The following PPP1R12B variants were observed in gnomAD, a reference collection of about 807,000 sequenced individuals.
PPP1R12B encodes the protein protein phosphatase 1 regulatory subunit 12B, also known as myosin phosphatase target subunit 2.
In PPP1R12B, 76 loss-of-function variants were observed where a neutral mutation model predicts 126.1. The ratio of observed to expected loss-of-function variants is 0.60; its 90% CI spans 0.50 to 0.73. PPP1R12B has a LOEUF of 0.73. Among genes scored for constraint, PPP1R12B ranks in the 30% least tolerant of loss-of-function variants. PPP1R12B has a pLI of 0.00. For synonymous variants in PPP1R12B, 356 were observed against 434.7 expected, an observed-to-expected ratio of 0.82 and a Z score of 2.25; for missense variants, 1,052 against 1,205.1, an observed-to-expected ratio of 0.87 and a Z score of 1.88.
chr1:202,569,300 T>C, intron 23 of PPP1R12B, 103 bp downstream of exon 23: 1 of 1,140,360 alleles, frequency 8.8e-7, no homozygotes, highest in South Asian at 1.3e-5. Flanking sequence ...CACTACAAAC[T>C]CAATATCTGC....
At chr1:202,436,387 C>T (rs1036688781) in intron 9 of PPP1R12B, among the ~76,000 whole-genome samples, 8 of 152,146 alleles carry the variant, frequency 5.3e-5, no homozygotes, top group Admixed American at 2.0e-4. Flanking sequence ...CATTATTGAA[C>T]CCCTAAAGCT....
At chr1:202,434,229 G>A (rs192375926) in intron 8 of PPP1R12B, among the ~76,000 whole-genome samples, 71 of 152,280 alleles carry the variant, frequency 4.7e-4, no homozygotes, top group Non-Finnish European at 8.1e-4. Flanking sequence ...GGTGAATTAG[G>A]TTTCATAGCT....
chr1:202,426,479 G>A (rs1374576753), intron 4 of PPP1R12B, among the ~76,000 whole-genome samples: 5 of 152,122 alleles, frequency 3.3e-5, no homozygotes, highest in Non-Finnish European at 5.9e-5. Flanking sequence ...TTTATAGTTA[G>A]CAAAAAATTG....
intron 1 of PPP1R12B, among the ~76,000 whole-genome samples, chr1:202,360,691 A>G (rs1658011219): frequency 6.6e-6 from 1 of 151,830 alleles, no homozygotes; most frequent in Non-Finnish European, 1.5e-5. Context: ...CCTGGGCAAC[A>G]AGAGTGAAAC....
At position 202,588,867 on chromosome 1, in the gene PPP1R12B, A is replaced by ATAGG. The variant is rs1689999250; in HGVS notation, c.*8310_*8311insGTAG. On this transcript the variant is annotated 3_prime_UTR_variant, in exon 24 of 24. Coordinates refer to ENST00000608999, the MANE Select transcript of PPP1R12B (RefSeq NM_002481.4). ...GATAGATAGATAGATAGATAGATAG[A>ATAGG]TAGATATCAAGGTTCCAAGCTTCAA... 1 of 143,554 alleles carries ATAGG rather than the reference A, an allele frequency of 7.0e-6. No individual in the cohort carries two copies. Among genetic ancestry groups the ATAGG allele is most frequent in the Admixed American group, 6.7e-5 (1 of 14,904 alleles). 8.9% of individuals were successfully genotyped at this position (143,554 alleles called of 1,614,324 possible).
chr1:202,488,530 C>T lies in PPP1R12B; in HGVS notation c.1851-3C>T, dbSNP rs1318617562. On this transcript the variant is annotated splice_region_variant and splice_polypyrimidine_tract_variant and intron_variant, in intron 13 of 23. Coordinates refer to ENST00000608999, the MANE Select transcript of PPP1R12B (RefSeq NM_002481.4). Reference sequence around the variant, plus strand: ...TTTTGCTATTACTTTTTTTTCTCTGCAGGTCCTATCTGACTCCTGTACGGG... The same window carrying T: ...TTTTGCTATTACTTTTTTTTCTCTGTAGGTCCTATCTGACTCCTGTACGGG... The T allele has an allele frequency of 6.2e-7, 1 of 1,600,752 alleles. No homozygotes were observed. Among genetic ancestry groups the T allele is most frequent in the Non-Finnish European group, 8.5e-7 (1 of 1,170,720 alleles).
chr1:202,503,692 G>T (rs187005295), intron 18 of PPP1R12B, among the ~76,000 whole-genome samples: 3 of 152,090 alleles, frequency 2.0e-5, no homozygotes, highest in African/African-American at 4.8e-5. Context: ...CTGACCCTGA[G>T]AATATGGATG....
intron 18 of PPP1R12B, among the ~76,000 whole-genome samples, chr1:202,544,532 T>C (rs1233178100): frequency 1.3e-5 from 2 of 152,228 alleles, no homozygotes; most frequent in Non-Finnish European, 2.9e-5. Context: ...ATTTATTATA[T>C]TGAATAAATC....
Position 202,587,417 on chromosome 1 carries a change from G to GTTTGAC in PPP1R12B, c.*6861_*6866dup, listed in dbSNP as rs1046998863. On this transcript the variant is annotated 3_prime_UTR_variant, in exon 24 of 24. Transcript: ENST00000608999. ...ATGCTAATGTCCCCTCAGAGATGAG[G>GTTTGAC]TTTGACTTTTAGGCCCGTATGACTC... 2.6e-5 allele frequency: 4 copies of GTTTGAC among 152,286 alleles called. No individual in the cohort carries two copies. Among genetic ancestry groups the GTTTGAC allele is most frequent in the African/African-American group, 9.6e-5 (4 of 41,542 alleles). 9.4% of individuals were successfully genotyped at this position (152,286 alleles called of 1,614,324 possible). A position where few individuals can be genotyped will look rare whatever the true frequency, so the allele number is the denominator to read the frequency against.
At chr1:202,529,741 A>G (rs1381988800) in intron 18 of PPP1R12B, among the ~76,000 whole-genome samples, 2 of 152,214 alleles carry the variant, frequency 1.3e-5, no homozygotes, top group Non-Finnish European at 2.9e-5. Context: ...TTTGCCTGGC[A>G]TACAGATTAT....
At chr1:202,363,811 G>A (rs1195306969) in intron 1 of PPP1R12B, among the ~76,000 whole-genome samples, 1 of 152,142 alleles carries the variant, frequency 6.6e-6, no homozygotes, top group African/African-American at 2.4e-5. Flanking sequence ...GCCCAGGCTG[G>A]AGTGCAGTGG....
intron 9 of PPP1R12B, among the ~76,000 whole-genome samples, chr1:202,437,399 G>A (rs760423296): frequency 7.9e-5 from 12 of 152,114 alleles, no homozygotes; most frequent in African/African-American, 1.2e-4. Context: ...TTATAAGGAG[G>A]GATTAAGCTC....
At chr1:202,388,192 T>C (rs1467315893) in intron 1 of PPP1R12B, among the ~76,000 whole-genome samples, 6 of 152,016 alleles carry the variant, frequency 3.9e-5, no homozygotes, top group Admixed American at 1.3e-4. Context: ...TATAAGACTT[T>C]TCTTTTTTTG....
intron 18 of PPP1R12B, among the ~76,000 whole-genome samples, chr1:202,516,986 C>A (rs1476723833): frequency 2.0e-5 from 3 of 152,156 alleles, no homozygotes; most frequent in African/African-American, 7.2e-5. Flanking sequence ...CATTTTTTCT[C>A]TGAATATGCT....
Position 202,567,666 on chromosome 1 carries a change from A to G in PPP1R12B, c.2758-112A>G, listed in dbSNP as rs1688185768. 3.4e-6 allele frequency: 4 copies of G among 1,192,118 alleles called. No individual in the cohort carries two copies. The South Asian group carries it at 5.6e-5, about 17-fold the overall frequency. 73.8% of individuals were successfully genotyped at this position (1,192,118 alleles called of 1,614,324 possible). A position where few individuals can be genotyped will look rare whatever the true frequency, so the allele number is the denominator to read the frequency against. Reference sequence around the variant, plus strand: ...GGGATCCCTGCTATAGGGGAAGTCCAAAGTTTTACTGTTTATTTCTAGATG... The same window carrying G: ...GGGATCCCTGCTATAGGGGAAGTCCGAAGTTTTACTGTTTATTTCTAGATG... On this transcript the variant is annotated intron_variant, in intron 21 of 23. Transcript: ENST00000608999.
intron 19 of PPP1R12B, among the ~76,000 whole-genome samples, chr1:202,561,473 A>T (rs1337404108): frequency 6.6e-6 from 1 of 151,750 alleles, no homozygotes; most frequent in Non-Finnish European, 1.5e-5. Context: ...GAGGAGGAGG[A>T]GTTAGACAAT....
chr1:202,423,972 A>G (rs1410968087), intron 3 of PPP1R12B, among the ~76,000 whole-genome samples: 1 of 152,212 alleles, frequency 6.6e-6, no homozygotes, highest in Non-Finnish European at 1.5e-5. Context: ...GGTGTGAGCT[A>G]TAGCGCCTGG....
intron 11 of PPP1R12B, 137 bp downstream of exon 11, chr1:202,440,925 A>G: frequency 1.5e-6 from 1 of 674,756 alleles, no homozygotes; most frequent in South Asian, 2.0e-5. Flanking sequence ...CCTTCTGCTT[A>G]GAACACCTCT....
chr1:202,445,429 T>C (rs1344868493), intron 12 of PPP1R12B, among the ~76,000 whole-genome samples: 1 of 152,246 alleles, frequency 6.6e-6, no homozygotes, highest in Non-Finnish European at 1.5e-5. Context: ...TCAAAGGGTA[T>C]GTATAATTGT....
Sources: gnomAD v4.1 joint callset for allele counts (sites outside exome capture counted in the v4.1 genomes callset) on GRCh38, gnomAD v4.1.1 for gene constraint, MANE v1.5 for transcripts, NCBI Gene and HGNC (gene_info 2026-07-23, HGNC 2026-07-21) for gene names.